The following TAS2R1 variants were observed in gnomAD, a reference collection of about 807,000 sequenced individuals.
The protein encoded by TAS2R1 is taste receptor type 2 member 1.
For missense variants in TAS2R1, 370 were observed against 353.4 expected (o/e 1.05, Z -0.38); for synonymous variants, 141 against 134.2 (o/e 1.05, Z -0.35).
the TAS2R1 span, among the ~76,000 whole-genome samples, chr5:9,724,812 A>T: frequency 2.0e-5 from 3 of 152,242 alleles, no homozygotes; most frequent in African/African-American, 7.2e-5. Context: ...GAAAGTGGGT[A>T]TGGAGGCACT....
intron 1 of TAS2R1, among the ~76,000 whole-genome samples, chr5:9,705,994 G>A (rs184716380): frequency 6.7e-4 from 102 of 152,278 alleles, no homozygotes; most frequent in African/African-American, 2.3e-3. Flanking sequence ...CCCCTTAGGT[G>A]GATCCAACAG....
At chr5:9,821,218 A>G in the TAS2R1 span, among the ~76,000 whole-genome samples, 1 of 152,222 alleles carries the variant, frequency 6.6e-6, no homozygotes, top group African/African-American at 2.4e-5. Flanking sequence ...AGCTCTGCAC[A>G]TGAAACAGCA....
the TAS2R1 span, among the ~76,000 whole-genome samples, chr5:9,833,381 T>C: frequency 6.6e-6 from 1 of 152,240 alleles, no homozygotes; most frequent in Non-Finnish European, 1.5e-5. Context: ...CCAAGATGTA[T>C]TTTCCTTTCA....
the TAS2R1 span, among the ~76,000 whole-genome samples, chr5:9,878,688 T>A: frequency 6.6e-6 from 1 of 151,984 alleles, no homozygotes; most frequent in South Asian, 2.1e-4. Context: ...GACAAGGAGG[T>A]CAGCTGGGCT....
At chr5:9,840,857 A>ATTTATTTTTTTTTTTTTTTTT in the TAS2R1 span, among the ~76,000 whole-genome samples, 2 of 132,084 alleles carry the variant, frequency 1.5e-5, no homozygotes, top group African/African-American at 5.6e-5. Context: ...TTATTTATTT[A>ATTTATTTTTTTTTTTTTTTTT]TTTTTTTTTT....
chr5:9,766,396 T>G, the TAS2R1 span, among the ~76,000 whole-genome samples: 1 of 152,226 alleles, frequency 6.6e-6, no homozygotes, highest in Non-Finnish European at 1.5e-5. Flanking sequence ...TAAAACAGAC[T>G]TCAGGCCCTT....
the TAS2R1 span, among the ~76,000 whole-genome samples, chr5:9,800,318 G>A: frequency 4.6e-5 from 7 of 152,314 alleles, no homozygotes; most frequent in East Asian, 1.3e-3. Context: ...ATATCTCTGG[G>A]AATGAGACAT....
At chr5:9,873,801 G>A in the TAS2R1 span, among the ~76,000 whole-genome samples, 7 of 151,426 alleles carry the variant, frequency 4.6e-5, no homozygotes, top group African/African-American at 1.5e-4. Context: ...CCCTGGAGGC[G>A]GAGGTTGCAG....
intron 1 of TAS2R1, among the ~76,000 whole-genome samples, chr5:9,699,792 A>C (rs1741438960): frequency 6.6e-6 from 1 of 152,158 alleles, no homozygotes; most frequent in Non-Finnish European, 1.5e-5. Flanking sequence ...GCTGATTCTT[A>C]ACTACTTTGC....
the TAS2R1 span, among the ~76,000 whole-genome samples, chr5:9,720,400 G>A: frequency 5.3e-5 from 8 of 152,220 alleles, no homozygotes; most frequent in African/African-American, 1.9e-4. Flanking sequence ...ATCTTCTCAT[G>A]GCAATGGCAG....
chr5:9,659,219 A>G (rs1740479300), intron 2 of TAS2R1, among the ~76,000 whole-genome samples: 2 of 152,128 alleles, frequency 1.3e-5, no homozygotes, highest in African/African-American at 4.8e-5. Context: ...GACCCAGGGG[A>G]GCACAGGGAC....
chr5:9,642,491 T>C (rs1255264891), intron 2 of TAS2R1, among the ~76,000 whole-genome samples: 1 of 152,192 alleles, frequency 6.6e-6, no homozygotes, highest in Non-Finnish European at 1.5e-5. Context: ...ATTCACAACG[T>C]CTTGGTTAAA....
At chr5:9,752,998 G>A in the TAS2R1 span, among the ~76,000 whole-genome samples, 107 of 152,122 alleles carry the variant, frequency 7.0e-4, no homozygotes, top group Non-Finnish European at 6.3e-4. Flanking sequence ...GAATAGTGCC[G>A]CAATAAACAT....
the TAS2R1 span, among the ~76,000 whole-genome samples, chr5:9,837,072 T>G: frequency 3.9e-5 from 6 of 152,324 alleles, no homozygotes; most frequent in African/African-American, 1.4e-4. Flanking sequence ...CTGTTTTTAA[T>G]GAGGCTGAGA....
At chr5:9,831,945 C>A in the TAS2R1 span, among the ~76,000 whole-genome samples, 2 of 152,160 alleles carry the variant, frequency 1.3e-5, no homozygotes, top group Admixed American at 1.3e-4. Flanking sequence ...TTAACTCTGA[C>A]AATTTCGCAA....
At chr5:9,777,242 C>G in the TAS2R1 span, among the ~76,000 whole-genome samples, 1 of 152,192 alleles carries the variant, frequency 6.6e-6, no homozygotes, top group Non-Finnish European at 1.5e-5. Flanking sequence ...CCCAGAGAAC[C>G]TCTTTCAAAA....
chr5:9,712,569 T>G (rs1241759905), upstream of TAS2R1, among the ~76,000 whole-genome samples: 1 of 152,210 alleles, frequency 6.6e-6, no homozygotes, highest in Non-Finnish European at 1.5e-5. Context: ...AAAGCCTGCC[T>G]GAGTTTCCAG....
At chr5:9,764,350 T>C in the TAS2R1 span, among the ~76,000 whole-genome samples, 2 of 152,222 alleles carry the variant, frequency 1.3e-5, no homozygotes, top group Non-Finnish European at 2.9e-5. Context: ...CACTTTTAAA[T>C]GTTAGCACTT....
At chr5:9,756,717 A>G in the TAS2R1 span, among the ~76,000 whole-genome samples, 1 of 152,068 alleles carries the variant, frequency 6.6e-6, no homozygotes, top group Non-Finnish European at 1.5e-5. Flanking sequence ...TGACATTTTT[A>G]TTTTATTTTT....
Sources: gnomAD v4.1 joint callset for allele counts (sites outside exome capture counted in the v4.1 genomes callset) on GRCh38, gnomAD v4.1.1 for gene constraint, MANE v1.5 for transcripts, NCBI Gene and HGNC (gene_info 2026-07-23, HGNC 2026-07-21) for gene names.